ABCG2: variants seen among roughly 807,000 people sequenced by gnomAD.
ABCG2 encodes ATP binding cassette subfamily G member 2 (JR blood group).
Under a neutral mutation model 73.5 loss-of-function variants are expected in ABCG2, and 80 were observed. That is an observed-to-expected ratio of 1.09 (90% confidence interval 0.91 to 1.31). ABCG2 has a LOEUF of 1.31. Among genes scored for constraint, ABCG2 ranks in the 50% most tolerant of loss-of-function variants. The pLI is 0.00. For synonymous variants in ABCG2, 269 were observed against 282.4 expected, an observed-to-expected ratio of 0.95 and a Z score of 0.48; for missense variants, 796 against 786.2, an observed-to-expected ratio of 1.01 and a Z score of -0.15.
chr4:88,209,309 C>CA (rs60027656), intron 1 of ABCG2, among the ~76,000 whole-genome samples: 988 of 81,398 alleles, frequency 0.012, 10 homozygotes, highest in Non-Finnish European at 0.018. Context: ...GACTCCATCT[C>CA]AAAAAAAAAA....
At chr4:88,145,015 C>T (rs1293809538) in intron 1 of ABCG2, among the ~76,000 whole-genome samples, 1 of 151,280 alleles carries the variant, frequency 6.6e-6, no homozygotes, top group Admixed American at 6.6e-5. Flanking sequence ...CAGCCTGCCA[C>T]CTGCCCAGCT....
chr4:88,132,221 T>TA (rs1198908407), intron 3 of ABCG2, among the ~76,000 whole-genome samples: 1 of 152,250 alleles, frequency 6.6e-6, no homozygotes, highest in East Asian at 1.9e-4. Flanking sequence ...ACCTTGGAGG[T>TA]ACTAACACAG....
intron 2 of ABCG2, among the ~76,000 whole-genome samples, chr4:88,133,103 T>C (rs1261048962): frequency 6.6e-6 from 1 of 152,206 alleles, no homozygotes; most frequent in Non-Finnish European, 1.5e-5. Flanking sequence ...TTGTGAAACA[T>C]CTCCGTTACA....
intron 1 of ABCG2, among the ~76,000 whole-genome samples, chr4:88,211,903 C>T (rs2110123871): frequency 6.6e-6 from 1 of 152,246 alleles, no homozygotes; most frequent in South Asian, 2.1e-4. Flanking sequence ...TCAAGTTTGG[C>T]CATTTTTGTC....
intron 1 of ABCG2, among the ~76,000 whole-genome samples, chr4:88,223,022 G>A (rs1381051013): frequency 6.6e-6 from 1 of 152,204 alleles, no homozygotes; most frequent in Non-Finnish European, 1.5e-5. Flanking sequence ...AGACTTGCAT[G>A]GGCCTATAGC....
intron 5 of ABCG2, among the ~76,000 whole-genome samples, chr4:88,123,191 C>G (rs1405401359): frequency 6.6e-6 from 1 of 152,098 alleles, no homozygotes; most frequent in African/African-American, 2.4e-5. Context: ...GCATCAAAGA[C>G]CAAAGGTAGA....
At chr4:88,097,655 G>A (rs745803155) in intron 12 of ABCG2, 48 bp from the exon 13 acceptor site, 20 of 1,582,848 alleles carry the variant, frequency 1.3e-5, no homozygotes, top group Non-Finnish European at 1.6e-5. Flanking sequence ...CTAGGTCACC[G>A]TATGTTTGGG....
rs1046062948 is a variant in ABCG2 at position 88,090,341 on chromosome 4, G to A, written c.*1893C>T. 1 of 151,986 alleles carries A rather than the reference G, an allele frequency of 6.6e-6. No homozygotes were observed. Among genetic ancestry groups the A allele is most frequent in the Non-Finnish European group, 1.5e-5 (1 of 68,012 alleles). 9.4% of individuals were successfully genotyped at this position (151,986 alleles called of 1,614,324 possible). On this transcript the variant is annotated 3_prime_UTR_variant, in exon 16 of 16. Coordinates refer to ENST00000237612, the MANE Select transcript of ABCG2 (RefSeq NM_004827.3). ...TTGTTTCTTTTGAAGTATATTTTGT[G>A]TAAAAAGTATAGATAGATATTTCTC...
At chr4:88,139,675 A>T in intron 2 of ABCG2, 118 bp downstream of exon 2, 1 of 781,018 alleles carries the variant, frequency 1.3e-6, no homozygotes, top group Admixed American at 2.8e-5. Context: ...GTGTCTGTAT[A>T]TCTGTGCAAA....
intron 1 of ABCG2, among the ~76,000 whole-genome samples, chr4:88,145,938 A>G (rs1196941036): frequency 6.6e-6 from 1 of 152,126 alleles, no homozygotes. Flanking sequence ...CTGTCTCAAT[A>G]AATAAATAAA....
At chr4:88,206,854 C>A (rs550009281) in intron 1 of ABCG2, among the ~76,000 whole-genome samples, 1 of 152,116 alleles carries the variant, frequency 6.6e-6, no homozygotes, top group African/African-American at 2.4e-5. Flanking sequence ...AGACACAGAG[C>A]GCTGATTGGT....
chr4:88,166,842 G>T (rs2110090124), intron 1 of ABCG2, among the ~76,000 whole-genome samples: 1 of 152,198 alleles, frequency 6.6e-6, no homozygotes. Context: ...GTACATGGAG[G>T]GGTCACATGC....
intron 13 of ABCG2, among the ~76,000 whole-genome samples, chr4:88,096,984 T>C (rs1482312719): frequency 1.3e-5 from 2 of 152,074 alleles, no homozygotes; most frequent in East Asian, 3.9e-4. Flanking sequence ...TCTCTGCTGG[T>C]GGGTAAACAA....
Position 88,113,466 on chromosome 4 carries a change from T to G in ABCG2, c.1031A>C (p.Glu344Ala). Reference sequence around the variant, plus strand: ...AAGTTGATGTAATTCAGCTTTTGTCTCTTTGTAGAAGGAGGAGTTGACATA... The same window carrying G: ...AAGTTGATGTAATTCAGCTTTTGTCGCTTTGTAGAAGGAGGAGTTGACATA... ...EIYVNSSFYK[E>A]TKAELHQLSG... is the part of the protein sequence containing the mutation. The change falls in exon 9 of 16, where the codon GAG (glutamate) becomes GCG (alanine). Residue 344 changes from glutamate (E) to alanine (A), a missense_variant. Coordinates refer to ENST00000237612, the MANE Select transcript of ABCG2 (RefSeq NM_004827.3). 2 of 1,614,184 alleles carry G rather than the reference T, an allele frequency of 1.2e-6. No homozygotes were observed. Among genetic ancestry groups the G allele is most frequent in the Non-Finnish European group, 1.7e-6 (2 of 1,180,038 alleles).
chr4:88,119,206 C>T (rs1723795444), intron 6 of ABCG2, among the ~76,000 whole-genome samples: 1 of 152,218 alleles, frequency 6.6e-6, no homozygotes, highest in Non-Finnish European at 1.5e-5. Flanking sequence ...TACAACATGC[C>T]TTTTCTTCTT....
intron 1 of ABCG2, among the ~76,000 whole-genome samples, chr4:88,169,165 C>T (rs1301874094): frequency 6.6e-6 from 1 of 151,874 alleles, no homozygotes; most frequent in Non-Finnish European, 1.5e-5. Context: ...CCTGCCTCAG[C>T]CTCCTGAGTA....
intron 1 of ABCG2, among the ~76,000 whole-genome samples, chr4:88,188,757 T>C (rs955496153): frequency 6.6e-6 from 1 of 152,178 alleles, no homozygotes; most frequent in Non-Finnish European, 1.5e-5. Flanking sequence ...CTCATGCCTG[T>C]AATCCCAGCA....
chr4:88,101,513 C>T (rs1012013618), intron 10 of ABCG2, among the ~76,000 whole-genome samples, 194 bp from the exon 11 acceptor site: 1 of 152,144 alleles, frequency 6.6e-6, no homozygotes, highest in African/African-American at 2.4e-5. Flanking sequence ...CACAGTGGTA[C>T]TCATTTTGAA....
At chr4:88,224,002 A>T (rs1177038657) in intron 1 of ABCG2, among the ~76,000 whole-genome samples, 2 of 151,554 alleles carry the variant, frequency 1.3e-5, no homozygotes, top group Non-Finnish European at 2.9e-5. Flanking sequence ...CCATTTATAT[A>T]TTTTCTTTGA....
Sources: gnomAD v4.1 joint callset for allele counts (sites outside exome capture counted in the v4.1 genomes callset) on GRCh38, gnomAD v4.1.1 for gene constraint, MANE v1.5 for transcripts, NCBI Gene and HGNC (gene_info 2026-07-23, HGNC 2026-07-21) for gene names.